Variants in POLDIP3 observed in about 807,000 individuals in gnomAD.
POLDIP3 encodes polymerase delta-interacting protein 3.
Under a neutral mutation model 45.1 loss-of-function variants are expected in POLDIP3, and 14 were observed. That is an observed-to-expected ratio of 0.31 (90% confidence interval 0.20 to 0.49). POLDIP3 has a LOEUF of 0.49. Ranked by LOEUF, POLDIP3 falls within the 20% of genes least tolerant of loss-of-function variation. The probability of loss-of-function intolerance (pLI) is 0.99; values close to 1 mark genes in which losing one functional copy is unlikely to be tolerated. For synonymous variants in POLDIP3, 223 were observed against 205.2 expected (o/e 1.09, Z -0.74); for missense variants, 511 against 538.8 (o/e 0.95, Z 0.51).
chr22:42,586,610 G>A (rs1213882843), intron 8 of POLDIP3, among the ~76,000 whole-genome samples: 1 of 152,184 alleles, frequency 6.6e-6, no homozygotes, highest in Non-Finnish European at 1.5e-5. Context: ...GTTTAGCCCA[G>A]TAGTTCCCAA....
In POLDIP3 at chr22:42,614,840, CAGGG is replaced by C; in HGVS notation, c.14_17del (p.Ser5TrpfsTer93). ...CCCCGCGCTTCCTGATGAGTTCGTC[CAGGG>C]AGATGTCCGCCATCTTGCTCCGCCG... On this transcript the variant is annotated frameshift_variant, in exon 1 of 9. Transcript: ENST00000252115. LOFTEE classifies it high-confidence loss of function. The C allele has an allele frequency of 6.2e-7, 1 of 1,614,054 alleles. No homozygotes were observed. The highest frequency in any genetic ancestry group is 8.5e-7 in the Non-Finnish European group (1 of 1,179,954).
At chr22:42,601,636 C>A (rs572829942) in intron 3 of POLDIP3, among the ~76,000 whole-genome samples, 4 of 152,274 alleles carry the variant, frequency 2.6e-5, no homozygotes, top group South Asian at 4.1e-4. Context: ...TGGTACGCGC[C>A]TGTAGTCCCA....
chr22:42,598,473 G>A (rs566702741), intron 4 of POLDIP3, among the ~76,000 whole-genome samples: 3 of 151,378 alleles, frequency 2.0e-5, no homozygotes, highest in Non-Finnish European at 4.4e-5. Context: ...GGATGGTCTC[G>A]ATCTCCTGAC....
chr22:42,607,962 C>T lies in POLDIP3; in HGVS notation c.60-4802G>A, dbSNP rs143541984. Among the ~76,000 whole-genome samples the T allele has an allele frequency of 5.3e-3, 803 of 151,320 alleles. 11 individuals carry two copies. Among genetic ancestry groups the T allele is most frequent in the African/African-American group, 0.019 (769 of 41,212 alleles). On this transcript the variant is annotated intron_variant, in intron 1 of 8. Coordinates refer to ENST00000252115, the MANE Select transcript of POLDIP3 (RefSeq NM_032311.5). ...GGGGGGCAGCCCCCGCACAGCCAGC[C>T]GCCCTGTTCGGGAGGTGGGGGGCGC...
chr22:42,599,797 A>G lies in POLDIP3; in HGVS notation c.538-4T>C. 1 of 1,585,810 alleles carries G rather than the reference A, an allele frequency of 6.3e-7. No homozygotes were observed. Among genetic ancestry groups the G allele is most frequent in the Non-Finnish European group, 8.7e-7 (1 of 1,155,706 alleles). ...CTTCATCCAGGTCATATAAATTCTG[A>G]GAATATAACATAAAGAAATATAAGC... On this transcript the variant is annotated splice_region_variant and splice_polypyrimidine_tract_variant and intron_variant, in intron 3 of 8. Transcript: ENST00000252115.
chr22:42,595,696 T>C (rs908045520), intron 5 of POLDIP3, 82 bp from the exon 6 acceptor site: 2 of 1,270,214 alleles, frequency 1.6e-6, no homozygotes, highest in Admixed American at 1.7e-5. Context: ...GGCACGTGAC[T>C]AGGAAGGCCC....
chr22:42,602,852 A>C lies in POLDIP3; in HGVS notation c.368T>G (p.Leu123Trp). Residue 123 changes from leucine (L) to tryptophan (W), a missense_variant, in exon 2 of 9, where the codon TTG (leucine) becomes TGG (tryptophan). Transcript: ENST00000252115. ...GAAGGCAGCAGGGGAACTCCTCTTCAAGCTGATCTTCTCCCGGGCATCAGC... is the reference window on the plus strand; with the variant it reads ...GAAGGCAGCAGGGGAACTCCTCTTCCAGCTGATCTTCTCCCGGGCATCAGC... ...QVADAREKISLKRSSPAAFIN... is the reference protein window; with the variant it reads ...QVADAREKISWKRSSPAAFIN... 1 of 1,613,284 alleles carries C rather than the reference A, an allele frequency of 6.2e-7. No homozygotes were observed. Among genetic ancestry groups the C allele is most frequent in the Non-Finnish European group, 8.5e-7 (1 of 1,180,006 alleles).
rs759895546 is a variant in POLDIP3 at position 42,596,335 on chromosome 22, A to G, written c.664T>C (p.Ser222Pro). Residue 222 changes from serine (S) to proline (P), a missense_variant, in exon 5 of 9, where the codon TCC (serine) becomes CCC (proline). Ser to Pro is a moderately conservative substitution (Grantham distance 74). Coordinates refer to ENST00000252115, the MANE Select transcript of POLDIP3 (RefSeq NM_032311.5). ...ACTTTGGTGAGAGGGAGGGCCTTGG[A>G]CATGGAAAGCTTGGAACTGCTTAGC... ...AGLSSSKLSM[S>P]KALPLTKVVQ... is the part of the protein sequence containing the mutation. 13 of 1,614,188 alleles carry G rather than the reference A, an allele frequency of 8.1e-6. No individual in the cohort carries two copies. Among genetic ancestry groups the G allele is most frequent in the Non-Finnish European group, 1.1e-5 (13 of 1,180,026 alleles).
rs114316889 is a variant in POLDIP3 at position 42,608,264 on chromosome 22, C to A, written c.60-5104G>T. ...TAATCTATAACCTTACCCCCCCCCC[C>A]AAAAAAAAATTAGCTGCAAGTGATG... On this transcript the variant is annotated intron_variant, in intron 1 of 8. Coordinates refer to ENST00000252115, the MANE Select transcript of POLDIP3 (RefSeq NM_032311.5). 6.4e-3 allele frequency among the ~76,000 whole-genome samples: 739 copies of A among 114,578 alleles called. 7 individuals carry two copies. Among genetic ancestry groups the A allele is most frequent in the African/African-American group, 0.014 (420 of 29,732 alleles). 75.2% of individuals were successfully genotyped at this position (114,578 alleles called of 152,430 possible). A position where few individuals can be genotyped will look rare whatever the true frequency, so the allele number is the denominator to read the frequency against.
intron 1 of POLDIP3, among the ~76,000 whole-genome samples, chr22:42,612,468 C>A (rs1206754892): frequency 6.6e-6 from 1 of 152,182 alleles, no homozygotes; most frequent in Non-Finnish European, 1.5e-5. Flanking sequence ...GCTTCTATGC[C>A]TTTAAGGAAA....
intron 7 of POLDIP3, among the ~76,000 whole-genome samples, chr22:42,588,888 TGAGC>T (rs1009946434): frequency 4.6e-5 from 7 of 151,972 alleles, no homozygotes; most frequent in African/African-American, 1.7e-4. Flanking sequence ...ATTACAGGAG[TGAGC>T]CATTGTGCCC....
Position 42,602,862 on chromosome 22 carries a change from T to C in POLDIP3, c.358A>G (p.Lys120Glu). 1 of 1,613,584 alleles carries C rather than the reference T, an allele frequency of 6.2e-7. No individual in the cohort carries two copies. Among genetic ancestry groups the C allele is most frequent in the South Asian group, 1.1e-5 (1 of 91,086 alleles). The change falls in exon 2 of 9, where the codon AAG becomes GAG. Residue 120 changes from lysine (K) to glutamate (E), a missense_variant. Physicochemically the swap from Lys to Glu is moderately conservative, Grantham distance 56. Around this residue, in one of 4 missense-constraint regions of POLDIP3, gnomAD observed 378 missense variants for 352.3 expected, o/e 1.07. Coordinates refer to ENST00000252115, the MANE Select transcript of POLDIP3 (RefSeq NM_032311.5). ...KPRQVADARE[K>E]ISLKRSSPAA... ...GGGGAACTCCTCTTCAAGCTGATCT[T>C]CTCCCGGGCATCAGCAACCTGGCGG... is the stretch of plus-strand genomic sequence containing the variant.
chr22:42,587,203 C>T (rs757035878), intron 8 of POLDIP3, among the ~76,000 whole-genome samples: 7 of 152,192 alleles, frequency 4.6e-5, no homozygotes, highest in East Asian at 1.9e-4. Context: ...TCTCTGTTCC[C>T]GGGATGATGC....
intron 7 of POLDIP3, among the ~76,000 whole-genome samples, chr22:42,589,120 G>T (rs942151348): frequency 1.3e-5 from 2 of 152,008 alleles, no homozygotes; most frequent in African/African-American, 4.8e-5. Context: ...GTGCACACCT[G>T]TAGTCTCAGC....
intron 3 of POLDIP3, 52 bp downstream of exon 3, chr22:42,601,918 G>C (rs1400573695): frequency 1.3e-5 from 21 of 1,584,830 alleles, no homozygotes; most frequent in Non-Finnish European, 1.8e-5. Context: ...ACACCTACAT[G>C]TTCGCTATGT....
intron 6 of POLDIP3, among the ~76,000 whole-genome samples, chr22:42,592,898 C>T (rs1925756683): frequency 6.6e-6 from 1 of 152,208 alleles, no homozygotes; most frequent in Admixed American, 6.5e-5. Flanking sequence ...ACTGCCTTCA[C>T]AAGGTTGCTG....
At chr22:42,596,438 A>C in intron 4 of POLDIP3, 73 bp from the exon 5 acceptor site, 1 of 1,450,986 alleles carries the variant, frequency 6.9e-7, no homozygotes. Flanking sequence ...AGAGGTTGAC[A>C]ACTTGCTGAG....
At chr22:42,609,029 C>T (rs968779479) in intron 1 of POLDIP3, among the ~76,000 whole-genome samples, 1 of 152,176 alleles carries the variant, frequency 6.6e-6, no homozygotes, top group Non-Finnish European at 1.5e-5. Flanking sequence ...CATTAGTCAT[C>T]GGAAATTTTT....
intron 8 of POLDIP3, among the ~76,000 whole-genome samples, chr22:42,586,842 T>G (rs1925343717): frequency 1.3e-5 from 2 of 152,152 alleles, no homozygotes; most frequent in Admixed American, 1.3e-4. Context: ...CCTCACAGTC[T>G]CAACATTTTA....
Sources: allele counts gnomAD v4.1 joint callset (sites outside exome capture counted in the v4.1 genomes callset), GRCh38; gene constraint gnomAD v4.1.1; regional missense constraint gnomAD v4.1.1; transcripts MANE v1.5; gene names NCBI Gene and HGNC (gene_info 2026-07-23, HGNC 2026-07-21).